The following WBP2 variants were observed in gnomAD, a reference collection of about 807,000 sequenced individuals.
WBP2 encodes the protein WW domain-binding protein 2.
WBP2 carries 23 observed loss-of-function variants against 33.0 expected under a neutral mutation model. The observed-to-expected ratio is 0.70, with a 90% CI of 0.50 to 0.99. The LOEUF is 0.99. WBP2 is among the 50% of genes least tolerant of loss of function. WBP2 has a pLI of 0.00. For synonymous variants in WBP2, 153 were observed against 133.5 expected, an observed-to-expected ratio of 1.15 and a Z score of -1.01; for missense variants, 353 against 358.0, an observed-to-expected ratio of 0.99 and a Z score of 0.11.
chr17:75,853,754 A>T (rs1191449288), intron 1 of WBP2, among the ~76,000 whole-genome samples: 1 of 152,084 alleles, frequency 6.6e-6, no homozygotes, highest in Non-Finnish European at 1.5e-5. Context: ...TGGTATAAGC[A>T]AAGGAAAATG....
In WBP2 at chr17:75,846,536, G is replaced by A. The variant is rs1216132408; in HGVS notation, c.*198C>T. ...ACGCTGGGCAGCACTGTGGGCTCCG[G>A]GCTGGCATGGGAAGCTGGGCGGCAC... On this transcript the variant is annotated 3_prime_UTR_variant, in exon 8 of 8. Coordinates refer to ENST00000254806, the MANE Select transcript of WBP2 (RefSeq NM_012478.4). This position sits in a 1 kb window ranked among gnomAD's most constrained non-coding sequence, Gnocchi z 4.8. 2.9e-6 allele frequency: 2 copies of A among 687,268 alleles called. No individual in the cohort carries two copies. The highest frequency in any genetic ancestry group is 1.8e-5 in the African/African-American group (1 of 55,662). 42.6% of individuals were successfully genotyped at this position (687,268 alleles called of 1,614,324 possible).
Position 75,855,159 on chromosome 17 carries a change from T to TGCCCCCC in WBP2, c.59+79_59+80insGGGGGGC. On this transcript the variant is annotated intron_variant, in intron 1 of 7. Transcript: ENST00000254806. ...CAGTGCTCCCTCTTCAGGGGCTTAT[T>TGCCCCCC]CCCCACCACCCACCACCCACCGCCC... 7.3e-6 allele frequency: 7 copies of TGCCCCCC among 964,064 alleles called. 2 individuals are homozygous for TGCCCCCC. The highest frequency in any genetic ancestry group is 2.0e-5 in the African/African-American group (1 of 51,220). The allele number at this position is 964,064 out of a possible 1,614,324, so 59.7% of individuals were successfully genotyped here.
Position 75,848,756 on chromosome 17 carries a change from C to T in WBP2, c.305-94G>A, listed in dbSNP as rs189153297. 765 of 1,149,190 alleles carry T rather than the reference C, an allele frequency of 6.7e-4. 2 individuals are homozygous for T. The highest frequency in any genetic ancestry group is 9.3e-4 in the Admixed American group (47 of 50,384). The allele number at this position is 1,149,190 out of a possible 1,614,324, so 71.2% of individuals were successfully genotyped here. Reference sequence around the variant, plus strand: ...TTCCTCTCCAGGACTTCATCCAACGCCCGGGAGGCCTGCGGGGGCTGGGCC... The same window carrying T: ...TTCCTCTCCAGGACTTCATCCAACGTCCGGGAGGCCTGCGGGGGCTGGGCC... On this transcript the variant is annotated intron_variant, in intron 3 of 7. Transcript: ENST00000254806.
chr17:75,848,712 G>A, intron 3 of WBP2, 50 bp from the exon 4 acceptor site: 1 of 1,517,734 alleles, frequency 6.6e-7, no homozygotes, highest in Non-Finnish European at 9.0e-7. Flanking sequence ...GAAAACTTAT[G>A]CCCAAAGAGA....
chr17:75,850,308 C>T (rs2065020637), intron 2 of WBP2, among the ~76,000 whole-genome samples: 1 of 150,782 alleles, frequency 6.6e-6, no homozygotes. Flanking sequence ...TGCAGTGGCG[C>T]GATCTTGGCT....
At chr17:75,847,170 A>G in intron 6 of WBP2, 186 bp from the exon 7 acceptor site, 1 of 695,158 alleles carries the variant, frequency 1.4e-6, no homozygotes, top group Non-Finnish European at 2.4e-6. Context: ...GGCCCATCGC[A>G]TGTCTCACCT....
intron 4 of WBP2, chr17:75,848,272 AG>A (rs1488721315): frequency 3.4e-6 from 2 of 581,896 alleles, no homozygotes; most frequent in Non-Finnish European, 3.1e-6. Flanking sequence ...GCGGAACCGC[AG>A]TCGAATGGTT....
rs781567965 is a variant in WBP2 at position 75,846,948 on chromosome 17, T to A, written c.692A>T (p.Tyr231Phe). 6.2e-7 allele frequency: 1 copy of A among 1,614,066 alleles called. No homozygotes were observed. Among genetic ancestry groups the A allele is most frequent in the Non-Finnish European group, 8.5e-7 (1 of 1,179,976 alleles). Reference protein sequence around the residue: ...AKAAEAAASAYYNPGNPHNVY... With the variant: ...AKAAEAAASAFYNPGNPHNVY... ...GTTGTGAGGATTGCCTGGGTTGTAA[T>A]AGGCGCTGGCGGCTGCTTCTGCGGC... Residue 231 changes from tyrosine (Y) to phenylalanine (F), a missense_variant, in exon 7 of 8, where the codon TAT becomes TTT. Coordinates refer to ENST00000254806, the MANE Select transcript of WBP2 (RefSeq NM_012478.4). This position sits in a 1 kb window ranked among gnomAD's most constrained non-coding sequence, Gnocchi z 4.8.
chr17:75,847,744 C>A, intron 5 of WBP2, 52 bp downstream of exon 5: 1 of 1,537,480 alleles, frequency 6.5e-7, no homozygotes, highest in Non-Finnish European at 8.8e-7. Flanking sequence ...CTGGGGGGAG[C>A]CTGGGTAGGT....
rs947320267 is a variant in WBP2, at chr17:75,846,416, T to C, written c.*318A>G. ...GGGAGCTGGACTGCGGTGGAGGAGG[T>C]GGCCAGAGAGTCCCTTCGAGGGGAG... is the stretch of plus-strand genomic sequence containing the variant. On this transcript the variant is annotated 3_prime_UTR_variant, in exon 8 of 8. Transcript: ENST00000254806. The surrounding 1 kb of genome is among the most constrained non-coding windows in gnomAD (Gnocchi z 4.8). 4.7e-6 allele frequency: 2 copies of C among 426,588 alleles called. No individual in the cohort carries two copies. Among genetic ancestry groups the C allele is most frequent in the Non-Finnish European group, 8.6e-6 (2 of 231,448 alleles). 26.4% of individuals were successfully genotyped at this position (426,588 alleles called of 1,614,324 possible).
At position 75,847,499 on chromosome 17, in the gene WBP2, AG is replaced by A; in HGVS notation, c.642del (p.Ser215ProfsTer85). 6.3e-7 allele frequency: 1 copy of A among 1,592,672 alleles called. No homozygotes were observed. The highest frequency in any genetic ancestry group is 8.5e-7 in the Non-Finnish European group (1 of 1,169,606). ...CAAGGGCCCTCACCTGCAGGAGTGGAGGGGACATCGGGGCCGCTGACCGGAG... is the reference window on the plus strand; with the variant it reads ...CAAGGGCCCTCACCTGCAGGAGTGGAGGGACATCGGGGCCGCTGACCGGAG... ...MEPPVSGPDV[P>X]STPAAEAKAA... On this transcript the variant is annotated frameshift_variant, in exon 6 of 8. Transcript: ENST00000254806. LOFTEE classifies it high-confidence loss of function.
intron 4 of WBP2, chr17:75,848,368 C>A: frequency 1.6e-6 from 1 of 606,656 alleles, no homozygotes; most frequent in Admixed American, 2.9e-5. Context: ...CTGCCCCAGG[C>A]AGGGAAACGC....
chr17:75,847,248 CGA>C, intron 6 of WBP2: 1 of 703,558 alleles, frequency 1.4e-6, no homozygotes, highest in Non-Finnish European at 2.4e-6. Flanking sequence ...ATGAGAGGAT[CGA>C]GAGGCACACA....
chr17:75,847,686 G>A lies in WBP2; in HGVS notation c.533-77C>T, dbSNP rs77051585. On this transcript the variant is annotated intron_variant, in intron 5 of 7. Coordinates refer to ENST00000254806, the MANE Select transcript of WBP2 (RefSeq NM_012478.4). ...CTCCCGGGTGAGGGGGGCCTCTCCAGCTCCTTCGTTGGTCCTGAAGCAGCT... is the reference window on the plus strand; with the variant it reads ...CTCCCGGGTGAGGGGGGCCTCTCCAACTCCTTCGTTGGTCCTGAAGCAGCT... 74,317 of 1,596,120 alleles carry A rather than the reference G, an allele frequency of 0.047. 2,109 individuals carry two copies. The highest frequency in any genetic ancestry group is 0.11 in the South Asian group (9,549 of 89,846).
rs1264505806 is a variant in WBP2, at chr17:75,846,445, CTGAGAG to C, written c.*283_*288del. On this transcript the variant is annotated 3_prime_UTR_variant, in exon 8 of 8. Coordinates refer to ENST00000254806, the MANE Select transcript of WBP2 (RefSeq NM_012478.4). This position sits in a 1 kb window ranked among gnomAD's most constrained non-coding sequence, Gnocchi z 4.8. ...CAGAGAGTCCCTTCGAGGGGAGAAG[CTGAGAG>C]TGAAACAGGAACAGGGGATGCTCCG... The C allele has an allele frequency of 6.1e-6, 3 of 488,140 alleles. No homozygotes were observed. Among genetic ancestry groups the C allele is most frequent in the Non-Finnish European group, 7.4e-6 (2 of 271,526 alleles). 30.2% of individuals were successfully genotyped at this position (488,140 alleles called of 1,614,324 possible).
At position 75,846,684 on chromosome 17, in the gene WBP2, G is replaced by A. The variant is rs1567824800; in HGVS notation, c.*50C>T. 1 of 1,503,066 alleles carries A rather than the reference G, an allele frequency of 6.7e-7. No homozygotes were observed. The highest frequency in any genetic ancestry group is 1.4e-5 in the African/African-American group (1 of 71,646). The allele number at this position is 1,503,066 out of a possible 1,614,324, so 93.1% of individuals were successfully genotyped here. ...CCCAAGCCCCAGCACAGCCCCGATG[G>A]GAGGGGTAGGGTAGAGAGATGAGGG... On this transcript the variant is annotated 3_prime_UTR_variant, in exon 8 of 8. Coordinates refer to ENST00000254806, the MANE Select transcript of WBP2 (RefSeq NM_012478.4). The surrounding 1 kb of genome is among the most constrained non-coding windows in gnomAD (Gnocchi z 4.8).
chr17:75,849,430 G>C (rs993434643), intron 3 of WBP2, 174 bp downstream of exon 3: 15 of 722,464 alleles, frequency 2.1e-5, no homozygotes, highest in Non-Finnish European at 3.4e-5. Flanking sequence ...TTTCATGCCA[G>C]CATTTTCCCC....
Position 75,848,636 on chromosome 17 carries a change from T to C in WBP2, c.331A>G (p.Lys111Glu). 1 of 1,613,988 alleles carries C rather than the reference T, an allele frequency of 6.2e-7. No homozygotes were observed. Among genetic ancestry groups the C allele is most frequent in the Non-Finnish European group, 8.5e-7 (1 of 1,179,946 alleles). ...GGGWEGSASY[K>E]LTFTAGGAIE... ...GCGCCCCCTGCCGTGAAAGTCAACTTGTAGGAAGCAGAGCCTTCCCAGCCA... is the reference window on the plus strand; with the variant it reads ...GCGCCCCCTGCCGTGAAAGTCAACTCGTAGGAAGCAGAGCCTTCCCAGCCA... The change falls in exon 4 of 8, where the codon AAG becomes GAG. Residue 111 changes from lysine to glutamate, a missense_variant. Physicochemically the swap from Lys to Glu is moderately conservative, Grantham distance 56. Coordinates refer to ENST00000254806, the MANE Select transcript of WBP2 (RefSeq NM_012478.4).
chr17:75,849,717 T>C lies in WBP2; in HGVS notation c.191A>G (p.Lys64Arg). The change falls in exon 3 of 8, where the codon AAG becomes AGG. Residue 64 changes from lysine to arginine, a missense_variant. Transcript: ENST00000254806. ...PYRVIFLSKG[K>R]DAMQSFMMPF... ...CATCATGAAGGACTGCATGGCATCC[T>C]TGCCCTTGGACAGAAAGATGACCTG... The C allele has an allele frequency of 6.2e-7, 1 of 1,614,158 alleles. No homozygotes were observed. Among genetic ancestry groups the C allele is most frequent in the Non-Finnish European group, 8.5e-7 (1 of 1,180,024 alleles).
Sources: gnomAD v4.1 joint callset for allele counts (sites outside exome capture counted in the v4.1 genomes callset) on GRCh38, gnomAD v4.1.1 for gene constraint, Gnocchi (gnomAD v3.1) non-coding constraint, MANE v1.5 for transcripts, NCBI Gene and HGNC (gene_info 2026-07-23, HGNC 2026-07-21) for gene names.